The following B3GNT2 variants were observed in gnomAD, a reference collection of about 807,000 sequenced individuals.
The protein encoded by B3GNT2 is UDP-GlcNAc:betaGal beta-1,3-N-acetylglucosaminyltransferase 2.
Under a neutral mutation model 27.6 loss-of-function variants are expected in B3GNT2, and 12 were observed. That is an observed-to-expected ratio of 0.44 (90% confidence interval 0.28 to 0.71). The LOEUF (loss-of-function observed/expected upper bound fraction) is 0.71. Ranked by LOEUF, B3GNT2 falls within the 30% of genes least tolerant of loss-of-function variation. B3GNT2 has a pLI of 0.17. For missense variants in B3GNT2, 413 were observed against 488.5 expected (o/e 0.85, Z 1.46); for synonymous variants, 192 against 189.7 (o/e 1.01, Z -0.10).
At chr2:62,214,828 G>C (rs934343394) in intron 1 of B3GNT2, among the ~76,000 whole-genome samples, 3 of 152,112 alleles carry the variant, frequency 2.0e-5, no homozygotes, top group Non-Finnish European at 4.4e-5. Flanking sequence ...TGCCAAACTG[G>C]TTTTCCAGTC....
Position 62,223,982 on chromosome 2 carries a change from GTTAA to G in B3GNT2, c.*575_*578del, listed in dbSNP as rs1674776324. 6.0e-6 allele frequency: 1 copy of G among 167,294 alleles called. No homozygotes were observed. Among genetic ancestry groups the G allele is most frequent in the African/African-American group, 2.4e-5 (1 of 41,564 alleles). 10.4% of individuals were successfully genotyped at this position (167,294 alleles called of 1,614,324 possible). On this transcript the variant is annotated 3_prime_UTR_variant, in exon 2 of 2. Coordinates refer to ENST00000301998, the MANE Select transcript of B3GNT2 (RefSeq NM_006577.6). ...TGCCACCCCAACAGTATTTTTGTGT[GTTAA>G]TTAATTTTGCAAAATGAGAATCATG... is the stretch of plus-strand genomic sequence containing the variant.
chr2:62,224,127 T>C lies in B3GNT2; in HGVS notation c.*713T>C, dbSNP rs763280851. On this transcript the variant is annotated 3_prime_UTR_variant, in exon 2 of 2. Transcript: ENST00000301998. Reference sequence around the variant, plus strand: ...TGGTATCATAGTGTAATTTTAGTATTTGAAAATCAGTGTGATTCCTTAATG... The same window carrying C: ...TGGTATCATAGTGTAATTTTAGTATCTGAAAATCAGTGTGATTCCTTAATG... 1 of 167,062 alleles carries C rather than the reference T, an allele frequency of 6.0e-6. No individual in the cohort carries two copies. Among genetic ancestry groups the C allele is most frequent in the Non-Finnish European group, 1.5e-5 (1 of 68,120 alleles). 10.3% of individuals were successfully genotyped at this position (167,062 alleles called of 1,614,324 possible).
At chr2:62,220,422 G>A (rs1674668301) in intron 1 of B3GNT2, among the ~76,000 whole-genome samples, 2 of 152,196 alleles carry the variant, frequency 1.3e-5, no homozygotes, top group South Asian at 4.1e-4. Flanking sequence ...GTGAATTCCT[G>A]TTGATCTCAT....
chr2:62,197,605 A>T (rs939628430), intron 1 of B3GNT2, among the ~76,000 whole-genome samples: 15 of 152,182 alleles, frequency 9.9e-5, no homozygotes, highest in Admixed American at 9.8e-4. Flanking sequence ...TTGGAACCCT[A>T]CCGTAATATC....
At chr2:62,217,682 G>C (rs1324778497) in intron 1 of B3GNT2, among the ~76,000 whole-genome samples, 1 of 152,214 alleles carries the variant, frequency 6.6e-6, no homozygotes, top group African/African-American at 2.4e-5. Flanking sequence ...GGTCCCCAGC[G>C]TGCGGCGGAA....
Position 62,222,367 on chromosome 2 carries a change from G to A in B3GNT2, c.147G>A (p.Trp49Ter). The change falls in exon 2 of 2, where the codon TGG (tryptophan) becomes TGA (stop). Residue 49 changes from tryptophan (W) to a stop codon, truncating the protein, a stop_gained. Transcript: ENST00000301998. LOFTEE classifies it high-confidence loss of function. This position sits in a 1 kb window ranked among gnomAD's most constrained non-coding sequence, Gnocchi z 4.2. ...TAATAATACCCAAAGAGAAGTTCTG[G>A]AAGATATCTACCCCTCCCGAGGCAT... ...GEVIIPKEKF[W>*]KISTPPEAYW... is the part of the protein sequence containing the mutation. 6.2e-7 allele frequency: 1 copy of A among 1,614,092 alleles called. No homozygotes were observed. Among genetic ancestry groups the A allele is most frequent in the Non-Finnish European group, 8.5e-7 (1 of 1,180,026 alleles).
chr2:62,198,831 C>T (rs1674206471), intron 1 of B3GNT2, among the ~76,000 whole-genome samples: 1 of 152,022 alleles, frequency 6.6e-6, no homozygotes, highest in Non-Finnish European at 1.5e-5. Context: ...ATTAGTGAGG[C>T]ATCGTTGGTA....
chr2:62,224,275 G>C lies in B3GNT2; in HGVS notation c.*861G>C, dbSNP rs1194789847. 1.2e-5 allele frequency: 2 copies of C among 167,022 alleles called. No individual in the cohort carries two copies. The highest frequency in any genetic ancestry group is 6.5e-5 in the Admixed American group (1 of 15,286). 10.3% of individuals were successfully genotyped at this position (167,022 alleles called of 1,614,324 possible). On this transcript the variant is annotated 3_prime_UTR_variant, in exon 2 of 2. Coordinates refer to ENST00000301998, the MANE Select transcript of B3GNT2 (RefSeq NM_006577.6). ...GGTTGAAGTTACAGACTTTTGCATA[G>C]ATGGTTTGTCAATTTAAAATTCCAG...
At chr2:62,205,262 C>G (rs892343840) in intron 1 of B3GNT2, among the ~76,000 whole-genome samples, 9 of 152,204 alleles carry the variant, frequency 5.9e-5, no homozygotes, top group African/African-American at 1.4e-4. Flanking sequence ...AACATGTTCT[C>G]TTTTTACTGT....
chr2:62,199,764 T>A (rs1286010598), intron 1 of B3GNT2, among the ~76,000 whole-genome samples: 1 of 152,238 alleles, frequency 6.6e-6, no homozygotes, highest in African/African-American at 2.4e-5. Flanking sequence ...CCCAGCTGTC[T>A]TTTTCTCCAC....
At chr2:62,204,713 C>T (rs1306027577) in intron 1 of B3GNT2, among the ~76,000 whole-genome samples, 3 of 152,174 alleles carry the variant, frequency 2.0e-5, no homozygotes, top group Non-Finnish European at 2.9e-5. Context: ...TTCAAATGAA[C>T]TTAAAATATC....
chr2:62,211,407 C>T (rs1674480200), intron 1 of B3GNT2, among the ~76,000 whole-genome samples: 1 of 149,754 alleles, frequency 6.7e-6, no homozygotes, highest in African/African-American at 2.4e-5. Flanking sequence ...TACCTATATT[C>T]TGGCAGGGGA....
At chr2:62,198,433 A>C (rs1674197893) in intron 1 of B3GNT2, among the ~76,000 whole-genome samples, 1 of 152,222 alleles carries the variant, frequency 6.6e-6, no homozygotes, top group Admixed American at 6.5e-5. Context: ...GCTGTAATCA[A>C]TAGAGAAGTT....
chr2:62,206,502 C>T (rs1674377193), intron 1 of B3GNT2, among the ~76,000 whole-genome samples: 1 of 152,134 alleles, frequency 6.6e-6, no homozygotes, highest in African/African-American at 2.4e-5. Flanking sequence ...ACCTTTATCT[C>T]ATTTCTCTAT....
chr2:62,209,051 G>A lies in B3GNT2; in HGVS notation c.-10+12696G>A, dbSNP rs549973562. ...GCCCAGGCTGGGTCGGAGTGCAGTG[G>A]TACATTTCAGCTCACTGCAGCCTCT... On this transcript the variant is annotated intron_variant, in intron 1 of 1. Coordinates refer to ENST00000301998, the MANE Select transcript of B3GNT2 (RefSeq NM_006577.6). 2.6e-5 allele frequency among the ~76,000 whole-genome samples: 4 copies of A among 152,150 alleles called. No homozygotes were observed. The South Asian group carries it at 8.3e-4, about 32-fold the overall frequency.
chr2:62,202,534 A>G (rs1473878451), intron 1 of B3GNT2, among the ~76,000 whole-genome samples: 1 of 152,040 alleles, frequency 6.6e-6, no homozygotes, highest in East Asian at 1.9e-4. Context: ...GTAGTGAGGA[A>G]CCAGTGAAAG....
At chr2:62,221,075 G>T (rs1377758653) in intron 1 of B3GNT2, among the ~76,000 whole-genome samples, 2 of 152,172 alleles carry the variant, frequency 1.3e-5, no homozygotes, top group East Asian at 3.8e-4. Context: ...GTACATTTCT[G>T]TACCCCAGGA....
chr2:62,214,643 G>A (rs147154990), intron 1 of B3GNT2, among the ~76,000 whole-genome samples: 1 of 152,344 alleles, frequency 6.6e-6, no homozygotes, highest in Non-Finnish European at 1.5e-5. Context: ...TTTGAGAAAT[G>A]TGCTTCGTTT....
chr2:62,204,760 C>T (rs983333853), intron 1 of B3GNT2, among the ~76,000 whole-genome samples: 1 of 152,080 alleles, frequency 6.6e-6, no homozygotes, highest in Non-Finnish European at 1.5e-5. Context: ...GAATGTTTCT[C>T]TTTTTTAAAA....
Sources: allele counts gnomAD v4.1 joint callset (sites outside exome capture counted in the v4.1 genomes callset), GRCh38; gene constraint gnomAD v4.1.1; non-coding constraint Gnocchi (gnomAD v3.1); transcripts MANE v1.5; gene names NCBI Gene and HGNC (gene_info 2026-07-23, HGNC 2026-07-21).